The following RBL1 variants were observed in gnomAD, a reference collection of about 807,000 sequenced individuals.
RBL1 encodes the protein retinoblastoma-like protein 1.
Under a neutral mutation model 123.0 loss-of-function variants are expected in RBL1, and 82 were observed. That is an observed-to-expected ratio of 0.67 (90% CI 0.56 to 0.80). RBL1 has a LOEUF of 0.80. Ranked by LOEUF, RBL1 falls within the 30% of genes least tolerant of loss-of-function variation. The pLI is 0.00. For synonymous variants in RBL1, 405 were observed against 441.3 expected (o/e 0.92, Z 1.03); for missense variants, 1,171 against 1,299.6 (o/e 0.90, Z 1.52).
chr20:37,054,537 T>G (rs1225812154), intron 11 of RBL1, among the ~76,000 whole-genome samples: 2 of 151,136 alleles, frequency 1.3e-5, no homozygotes, highest in Non-Finnish European at 2.9e-5. Flanking sequence ...GTTAAAAAAT[T>G]TACTTCTTTC....
At chr20:37,002,658 C>G (rs907154323) in intron 21 of RBL1, among the ~76,000 whole-genome samples, 8 of 151,072 alleles carry the variant, frequency 5.3e-5, no homozygotes, top group Non-Finnish European at 1.2e-4. Flanking sequence ...TTTAACAAGC[C>G]CTCCCAATGA....
rs2064025598 is a variant in RBL1 at position 37,003,837 on chromosome 20, T to C, written c.2901A>G (p.Pro967=). Residue 967 remains proline (P), a synonymous_variant, in exon 21 of 22, where the codon CCA becomes CCG. Transcript: ENST00000373664. ...MMDAPPLSPF[P]HIKQQPGSPR... ...GTGAGCCTGGCTGTTGTTTAATATG[T>C]GGAAAAGGAGAGAGTGGTGGAGCAT... 1 of 1,613,726 alleles carries C rather than the reference T, an allele frequency of 6.2e-7. No individual in the cohort carries two copies. Among genetic ancestry groups the C allele is most frequent in the Non-Finnish European group, 8.5e-7 (1 of 1,179,874 alleles).
Position 36,998,711 on chromosome 20 carries a change from T to C in RBL1, c.*48A>G. ...GGTTTGAAGGACAGAGCTCCAACTTTCTGCAGAACAATCTGAAAGTGCTTT... is the reference window on the plus strand; with the variant it reads ...GGTTTGAAGGACAGAGCTCCAACTTCCTGCAGAACAATCTGAAAGTGCTTT... On this transcript the variant is annotated 3_prime_UTR_variant, in exon 22 of 22. Transcript: ENST00000373664. 3 of 1,519,640 alleles carry C rather than the reference T, an allele frequency of 2.0e-6. No individual in the cohort carries two copies. Among genetic ancestry groups the C allele is most frequent in the African/African-American group, 1.4e-5 (1 of 72,502 alleles). 94.1% of individuals were successfully genotyped at this position (1,519,640 alleles called of 1,614,324 possible). A position where few individuals can be genotyped will look rare whatever the true frequency, so the allele number is the denominator to read the frequency against.
chr20:37,022,905 A>T, intron 16 of RBL1, 79 bp from the exon 17 acceptor site: 1 of 1,124,900 alleles, frequency 8.9e-7, no homozygotes, highest in South Asian at 1.6e-5. Flanking sequence ...CAAGACCAAG[A>T]TTAAAAAACA....
At chr20:37,084,190 G>T (rs1318334010) in intron 2 of RBL1, among the ~76,000 whole-genome samples, 1 of 151,774 alleles carries the variant, frequency 6.6e-6, no homozygotes, top group Non-Finnish European at 1.5e-5. Flanking sequence ...GTGTGCCACT[G>T]GGCCTGACCA....
chr20:37,063,615 G>T (rs1300431550), intron 7 of RBL1, among the ~76,000 whole-genome samples: 1 of 151,952 alleles, frequency 6.6e-6, no homozygotes, highest in African/African-American at 2.4e-5. Context: ...GGGTTCAAGT[G>T]ATTCTCCTGC....
At chr20:37,040,778 A>C (rs2064709935) in intron 13 of RBL1, among the ~76,000 whole-genome samples, 1 of 152,226 alleles carries the variant, frequency 6.6e-6, no homozygotes, top group South Asian at 2.1e-4. Flanking sequence ...CATTTCATTT[A>C]ACCTTATAAT....
Position 37,029,520 on chromosome 20 carries a change from C to T in RBL1, c.2382+3145G>A, listed in dbSNP as rs73093215. Among the ~76,000 whole-genome samples, 743 of 152,276 alleles carry T rather than the reference C, an allele frequency of 4.9e-3. 6 individuals carry two copies. Among genetic ancestry groups the T allele is most frequent in the South Asian group, 0.013 (62 of 4,830 alleles). Reference sequence around the variant, plus strand: ...AATTGAAAACCTGAAAGGTGTTCCTCTAAGATCAGGAGTAAGACAAGGATG... The same window carrying T: ...AATTGAAAACCTGAAAGGTGTTCCTTTAAGATCAGGAGTAAGACAAGGATG... On this transcript the variant is annotated intron_variant, in intron 16 of 21. Coordinates refer to ENST00000373664, the MANE Select transcript of RBL1 (RefSeq NM_002895.5).
chr20:37,037,886 T>A (rs2064646697), intron 14 of RBL1, among the ~76,000 whole-genome samples: 1 of 151,944 alleles, frequency 6.6e-6, no homozygotes, highest in African/African-American at 2.4e-5. Context: ...CAGTTTTCAC[T>A]GTGTTGCCCG....
intron 1 of RBL1, 39 bp from the exon 2 acceptor site, chr20:37,089,161 T>G (rs1473751914): frequency 6.5e-7 from 1 of 1,530,064 alleles, no homozygotes; most frequent in African/African-American, 1.4e-5. Context: ...AGGTATAATA[T>G]TATGTTAAAA....
intron 13 of RBL1, among the ~76,000 whole-genome samples, chr20:37,041,305 T>A (rs1326369731): frequency 6.6e-6 from 1 of 152,226 alleles, no homozygotes; most frequent in Non-Finnish European, 1.5e-5. Flanking sequence ...CACACATTTT[T>A]AATTTTTATT....
At chr20:37,062,626 A>G (rs2065113658) in intron 7 of RBL1, among the ~76,000 whole-genome samples, 2 of 135,534 alleles carry the variant, frequency 1.5e-5, no homozygotes, top group South Asian at 5.0e-4. Flanking sequence ...CAGCCTGGCA[A>G]CAGAACAAGA....
chr20:37,063,024 A>G (rs953484758), intron 7 of RBL1, among the ~76,000 whole-genome samples: 3 of 152,188 alleles, frequency 2.0e-5, no homozygotes, highest in Admixed American at 6.5e-5. Flanking sequence ...TTAATGAAAG[A>G]ATGTAAAATC....
At chr20:37,027,542 C>T (rs1749467052) in intron 16 of RBL1, among the ~76,000 whole-genome samples, 1 of 152,134 alleles carries the variant, frequency 6.6e-6, no homozygotes, top group Non-Finnish European at 1.5e-5. Context: ...GTGGGATGCA[C>T]TGCAGTCATG....
At chr20:37,029,514 G>A (rs1376466011) in intron 16 of RBL1, among the ~76,000 whole-genome samples, 1 of 152,190 alleles carries the variant, frequency 6.6e-6, no homozygotes, top group Admixed American at 6.6e-5. Flanking sequence ...CCTGAAAGGT[G>A]TTCCTCTAAG....
intron 19 of RBL1, among the ~76,000 whole-genome samples, chr20:37,009,414 G>A (rs571207902): frequency 6.8e-6 from 1 of 147,124 alleles, no homozygotes; most frequent in Non-Finnish European, 1.5e-5. Flanking sequence ...CTCATTATAT[G>A]GATCAATTAA....
chr20:37,059,284 C>T (rs939672322), intron 9 of RBL1, among the ~76,000 whole-genome samples: 10 of 152,118 alleles, frequency 6.6e-5, no homozygotes, highest in African/African-American at 1.9e-4. Flanking sequence ...TTTCTTGTAT[C>T]CTGAAGGTTT....
chr20:37,007,554 C>G lies in RBL1; in HGVS notation c.2728G>C (p.Glu910Gln), dbSNP rs541792380. The G allele has an allele frequency of 2.0e-5, 32 of 1,611,502 alleles. No homozygotes were observed. In the East Asian group the frequency reaches 4.5e-4, roughly 22 times the overall value. The change falls in exon 20 of 22, where the codon GAA (glutamate) becomes CAA (glutamine). Residue 910 changes from glutamate (E) to glutamine (Q), a missense_variant. Physicochemically the swap from Glu to Gln is conservative, Grantham distance 29. Transcript: ENST00000373664. ...CAGTCAGGTGTTTTTGTAGCATCTT[C>G]TAAGTCTGTTAAAAAGAATGCAATG... Reference protein sequence around the residue: ...DDFEMIDCDLEDATKTPDCSS... With the variant: ...DDFEMIDCDLQDATKTPDCSS...
intron 16 of RBL1, among the ~76,000 whole-genome samples, chr20:37,030,250 A>T (rs904687426): frequency 1.3e-5 from 2 of 152,224 alleles, no homozygotes; most frequent in East Asian, 3.8e-4. Context: ...ATATAGTCCA[A>T]TGAATAGAAT....
Sources: gnomAD v4.1 joint callset for allele counts (sites outside exome capture counted in the v4.1 genomes callset) on GRCh38, gnomAD v4.1.1 for gene constraint, MANE v1.5 for transcripts, NCBI Gene and HGNC (gene_info 2026-07-23, HGNC 2026-07-21) for gene names.